APOL4: variants seen among roughly 807,000 people sequenced by gnomAD.
APOL4 encodes apolipoprotein L4.
In APOL4, 14 loss-of-function variants were observed where a neutral mutation model predicts 12.1. That is an observed-to-expected ratio of 1.16 (90% CI 0.76 to 1.81). APOL4 has a LOEUF of 1.81. Among genes scored for constraint, APOL4 ranks in the 40% most tolerant of loss-of-function variants. The pLI is 0.00. For missense variants in APOL4, 432 were observed against 423.1 expected (o/e 1.02, Z -0.18); for synonymous variants, 171 against 160.6 (o/e 1.06, Z -0.49).
intron 1 of APOL4, 193 bp from the exon 2 acceptor site, chr22:36,199,569 C>G (rs1375735169): frequency 1.3e-6 from 2 of 1,565,966 alleles, no homozygotes; most frequent in Non-Finnish European, 1.7e-6. Flanking sequence ...TTCCAGCTCC[C>G]TCTTCCCTCA....
intron 1 of APOL4, 147 bp from the exon 2 acceptor site, chr22:36,199,523 G>A: frequency 6.2e-7 from 1 of 1,601,082 alleles, no homozygotes. Flanking sequence ...CTATCACCAA[G>A]TCCCCATCAT....
Position 36,200,212 on chromosome 22 carries a change from G to C in APOL4, c.36-836C>G, listed in dbSNP as rs142755973. On this transcript the variant is annotated intron_variant, in intron 1 of 3. Transcript: ENST00000683024. ...AACACAGAGGAATCCACAAAAGTTAGGGAACTTGCCAGTGTTTTCTATTGC... is the reference window on the plus strand; with the variant it reads ...AACACAGAGGAATCCACAAAAGTTACGGAACTTGCCAGTGTTTTCTATTGC... 3.7e-3 allele frequency among the ~76,000 whole-genome samples: 563 copies of C among 152,328 alleles called. 2 individuals carry two copies. The highest frequency in any genetic ancestry group is 0.02 in the Middle Eastern group (6 of 294).
At chr22:36,197,124 T>C (rs887453364) in intron 2 of APOL4, among the ~76,000 whole-genome samples, 2 of 152,160 alleles carry the variant, frequency 1.3e-5, no homozygotes, top group African/African-American at 4.8e-5. Context: ...ATCATCTTGT[T>C]TCAGAGGGAG....
intron 1 of APOL4, among the ~76,000 whole-genome samples, chr22:36,199,969 G>A (rs28673650): frequency 1.3e-5 from 2 of 151,962 alleles, no homozygotes; most frequent in African/African-American, 2.4e-5. Flanking sequence ...CGCCACATTC[G>A]GCTAATTTTT....
Position 36,197,140 on chromosome 22 carries a change from C to T in APOL4, c.83-1703G>A, listed in dbSNP as rs1218410464. On this transcript the variant is annotated intron_variant, in intron 2 of 3. Coordinates refer to ENST00000683024, the MANE Select transcript of APOL4 (RefSeq NM_001386885.1). The stretch of plus-strand genomic sequence containing the variant: ...TCATCTTGTTTCAGAGGGAGAGCTT[C>T]TTCCTTGGCCGCCCAGCCCAGCCCT... Among the ~76,000 whole-genome samples the T allele has an allele frequency of 8.6e-3, 1,313 of 152,306 alleles. 20 individuals are homozygous for T. Among genetic ancestry groups the T allele is most frequent in the African/African-American group, 0.03 (1,257 of 41,560 alleles).
At chr22:36,204,593 G>A, upstream of APOL4, 1 of 388,300 alleles carries the variant, frequency 2.6e-6, no homozygotes, top group Non-Finnish European at 4.5e-6. Context: ...GCGAGAATAA[G>A]GAGATGGAGG....
At chr22:36,202,882 G>C (rs573515637), upstream of APOL4, among the ~76,000 whole-genome samples, 5 of 152,128 alleles carry the variant, frequency 3.3e-5, no homozygotes, top group Non-Finnish European at 5.9e-5. Flanking sequence ...GCCCAGAGTC[G>C]CACAGCTCTT....
upstream of APOL4, chr22:36,204,815 C>T (rs947982074): frequency 3.7e-5 from 8 of 217,198 alleles, 1 homozygote; most frequent in Middle Eastern, 1.4e-3. Context: ...ACAGCAAACA[C>T]GCTGCTCCCC....
At chr22:36,195,785 C>CACACAA (rs2014396616) in intron 2 of APOL4, among the ~76,000 whole-genome samples, 1 of 138,848 alleles carries the variant, frequency 7.2e-6, no homozygotes, top group East Asian at 2.2e-4. Flanking sequence ...CTCACACACA[C>CACACAA]ACACACACAC....
upstream of APOL4, among the ~76,000 whole-genome samples, chr22:36,202,725 CAGAAAAAAGAAAAA>C (rs1372715479): frequency 4.2e-5 from 5 of 119,554 alleles, no homozygotes; most frequent in African/African-American, 1.4e-4. Flanking sequence ...GACTCCATCT[CAGAAAAAAGAAAAA>C]AAAAAAAAGA....
Position 36,190,869 on chromosome 22 carries a change from G to A in APOL4, c.*206C>T. The A allele has an allele frequency of 3.5e-6, 2 of 573,662 alleles. No homozygotes were observed. The highest frequency in any genetic ancestry group is 4.3e-5 in the South Asian group (2 of 46,840). The allele number at this position is 573,662 out of a possible 1,614,324, so 35.5% of individuals were successfully genotyped here. A position where few individuals can be genotyped will look rare whatever the true frequency, so the allele number is the denominator to read the frequency against. ...AAAGACAGGCATAAGAAATCACAAG[G>A]GTATTGATTGGGGAAGTGATCAGTG... On this transcript the variant is annotated 3_prime_UTR_variant, in exon 4 of 4. Transcript: ENST00000683024.
Position 36,191,298 on chromosome 22 carries a change from C to A in APOL4, c.824G>T (p.Arg275Leu), listed in dbSNP as rs61730819. The A allele has an allele frequency of 6.2e-7, 1 of 1,613,898 alleles. No homozygotes were observed. The highest frequency in any genetic ancestry group is 8.5e-7 in the Non-Finnish European group (1 of 1,179,904). Residue 275 changes from arginine (R) to leucine (L), a missense_variant, in exon 4 of 4, where the codon CGT becomes CTT. Coordinates refer to ENST00000683024, the MANE Select transcript of APOL4 (RefSeq NM_001386885.1). ...TCTCACTATCCGGGTGGGGGCCCCA[C>A]GTGTTCTCAGTGTCTCAACAACATT... Reference protein sequence around the residue: ...PINVVETLRTRGAPTRIVRKV... With the variant: ...PINVVETLRTLGAPTRIVRKV...
In APOL4 at chr22:36,191,516, G is replaced by A. The variant is rs774239962; in HGVS notation, c.606C>T (p.Ser202=). The A allele has an allele frequency of 6.8e-6, 11 of 1,613,956 alleles. No homozygotes were observed. The highest frequency in any genetic ancestry group is 2.7e-5 in the African/African-American group (2 of 74,950). ...TYTRSAELTA[S]RLTATSTDQL... The stretch of plus-strand genomic sequence containing the variant: ...GGTCAGTGCTGGTTGCAGTCAGCCT[G>A]CTGGCTGTGAGTTCTGCTGACCTTG... The change falls in exon 4 of 4, where the codon AGC becomes AGT. Residue 202 remains serine, a synonymous_variant. Transcript: ENST00000683024.
chr22:36,200,899 C>T (rs140073282), intron 1 of APOL4, among the ~76,000 whole-genome samples: 76 of 152,116 alleles, frequency 5.0e-4, no homozygotes, highest in African/African-American at 1.6e-3. Context: ...CTTTAAGGCA[C>T]GAAGGTAGCA....
rs762054577 is a variant in APOL4 at position 36,191,210 on chromosome 22, G to C, written c.912C>G (p.Asn304Lys). 1 of 1,613,974 alleles carries C rather than the reference G, an allele frequency of 6.2e-7. No homozygotes were observed. The highest frequency in any genetic ancestry group is 8.5e-7 in the Non-Finnish European group (1 of 1,179,882). ...GCAAGTCCAGTGAGTCTTGCACAAG[G>C]TTGACTACATCCAGCACAACAAGGA... ...SGVLVVLDVVNLVQDSLDLHK... is the reference protein window; with the variant it reads ...SGVLVVLDVVKLVQDSLDLHK... The change falls in exon 4 of 4, where the codon AAC becomes AAG. Residue 304 changes from asparagine to lysine, a missense_variant. Asn to Lys is a moderately conservative substitution (Grantham distance 94). Transcript: ENST00000683024.
chr22:36,191,480 T>A lies in APOL4; in HGVS notation c.642A>T (p.Ala214=). The A allele has an allele frequency of 6.2e-7, 1 of 1,614,076 alleles. No homozygotes were observed. Among genetic ancestry groups the A allele is most frequent in the South Asian group, 1.1e-5 (1 of 91,088 alleles). The change falls in exon 4 of 4, where the codon GCA becomes GCT. Residue 214 remains alanine, a synonymous_variant. Transcript: ENST00000683024. ...TGATGTCACGCAGAATGTCCCTTAA[T>A]GCCTCCAATTGGTCAGTGCTGGTTG... ...LTATSTDQLE[A]LRDILRDITP...
rs2014580222 is a variant in APOL4 at position 36,201,626 on chromosome 22, T to G, written c.35+74A>C. ...GGCCAAGGCAACCATCTCAACACCA[T>G]GAGCCAGTAGAACTGGGAGGACCAG... is the stretch of plus-strand genomic sequence containing the variant. On this transcript the variant is annotated intron_variant, in intron 1 of 3. Transcript: ENST00000683024. 3 of 908,058 alleles carry G rather than the reference T, an allele frequency of 3.3e-6. 1 individual carries two copies. Among genetic ancestry groups the G allele is most frequent in the Non-Finnish European group, 4.4e-6 (3 of 677,294 alleles). The allele number at this position is 908,058 out of a possible 1,614,324, so 56.3% of individuals were successfully genotyped here.
At chr22:36,196,194 C>T (rs933560805) in intron 2 of APOL4, among the ~76,000 whole-genome samples, 9 of 152,154 alleles carry the variant, frequency 5.9e-5, no homozygotes, top group African/African-American at 1.7e-4. Flanking sequence ...GAATTTTGAC[C>T]CATCAGTGGG....
Position 36,194,631 on chromosome 22 carries a change from G to C in APOL4, c.209+680C>G, listed in dbSNP as rs907726738. On this transcript the variant is annotated intron_variant, in intron 3 of 3. Transcript: ENST00000683024. ...TACTAATAGCATTGGACAGACGGCA[G>C]GTCCCAGTCTCCAAGACATAAACCA... Among the ~76,000 whole-genome samples the C allele has an allele frequency of 3.3e-5, 5 of 152,176 alleles. No homozygotes were observed. The South Asian group carries it at 8.3e-4, about 25-fold the overall frequency.
Sources: gnomAD v4.1 joint callset for allele counts (sites outside exome capture counted in the v4.1 genomes callset) on GRCh38, gnomAD v4.1.1 for gene constraint, MANE v1.5 for transcripts, NCBI Gene and HGNC (gene_info 2026-07-23, HGNC 2026-07-21) for gene names.